The following ZW10 variants were observed in gnomAD, a reference collection of about 807,000 sequenced individuals.
ZW10 encodes centromere/kinetochore protein zw10 homolog.
A neutral mutation model predicts 87.8 loss-of-function variants in ZW10; 53 were observed. The ratio of observed to expected loss-of-function variants is 0.60; its 90% confidence interval spans 0.48 to 0.76. ZW10 has a LOEUF of 0.76. ZW10 is among the 30% of genes least tolerant of loss of function. The pLI is 0.00. For synonymous variants in ZW10, 312 were observed against 329.2 expected, an observed-to-expected ratio of 0.95 and a Z score of 0.57; for missense variants, 837 against 923.0, an observed-to-expected ratio of 0.91 and a Z score of 1.21.
intron 7 of ZW10, among the ~76,000 whole-genome samples, chr11:113,750,927 A>G (rs1953727401): frequency 6.6e-6 from 1 of 152,118 alleles, no homozygotes; most frequent in South Asian, 2.1e-4. Flanking sequence ...AAGATTTTCA[A>G]TGAAGCAACC....
chr11:113,754,399 C>A (rs1034995400), intron 7 of ZW10, among the ~76,000 whole-genome samples: 4 of 152,024 alleles, frequency 2.6e-5, no homozygotes, highest in African/African-American at 9.7e-5. Flanking sequence ...GCACGAGAAT[C>A]GCTTGAACCC....
intron 13 of ZW10, 37 bp from the exon 14 acceptor site, chr11:113,737,740 T>C (rs1322927864): frequency 1.9e-6 from 3 of 1,558,466 alleles, no homozygotes; most frequent in Non-Finnish European, 2.6e-6. Context: ...GGAAGAAAGA[T>C]TACTGTGACT....
intron 5 of ZW10, 51 bp from the exon 6 acceptor site, chr11:113,758,757 C>A (rs373265703): frequency 6.4e-7 from 1 of 1,566,916 alleles, no homozygotes. Context: ...TGAGATGTTC[C>A]CACTTCTATT....
chr11:113,766,397 G>A (rs1003240868), intron 2 of ZW10, among the ~76,000 whole-genome samples: 2 of 151,578 alleles, frequency 1.3e-5, no homozygotes, highest in Non-Finnish European at 2.9e-5. Flanking sequence ...TAGGCTGGGC[G>A]CGGTGGCTCA....
At chr11:113,740,223 G>A (rs1472225066) in intron 11 of ZW10, among the ~76,000 whole-genome samples, 1 of 151,990 alleles carries the variant, frequency 6.6e-6, no homozygotes, top group Non-Finnish European at 1.5e-5. Context: ...CCTTACATCA[G>A]ACATAAATCA....
chr11:113,752,147 C>A (rs888197945), intron 7 of ZW10, among the ~76,000 whole-genome samples: 5 of 152,186 alleles, frequency 3.3e-5, no homozygotes, highest in African/African-American at 1.2e-4. Flanking sequence ...ACATTGTTAT[C>A]TTCAAGGCTT....
intron 5 of ZW10, 126 bp from the exon 6 acceptor site, chr11:113,758,832 A>G (rs961403400): frequency 3.4e-6 from 3 of 871,522 alleles, no homozygotes; most frequent in African/African-American, 3.4e-5. Context: ...AATGCAACCA[A>G]ATATGAATTA....
intron 7 of ZW10, among the ~76,000 whole-genome samples, chr11:113,749,987 T>C (rs891360325): frequency 2.0e-5 from 3 of 152,232 alleles, no homozygotes; most frequent in African/African-American, 7.2e-5. Flanking sequence ...TTTATTTGAA[T>C]ATTTTATGCA....
intron 9 of ZW10, among the ~76,000 whole-genome samples, chr11:113,745,032 C>T (rs1028928647): frequency 6.6e-6 from 1 of 151,900 alleles, no homozygotes; most frequent in African/African-American, 2.4e-5. Context: ...GTACCAGGCA[C>T]ATGTGTTGGC....
chr11:113,751,178 T>C, intron 7 of ZW10: 1 of 243,894 alleles, frequency 4.1e-6, no homozygotes, highest in South Asian at 5.6e-5. Flanking sequence ...AGGCACACAT[T>C]GAGGCCATAT....
chr11:113,767,396 T>C (rs1953919469), intron 2 of ZW10, among the ~76,000 whole-genome samples: 1 of 152,094 alleles, frequency 6.6e-6, no homozygotes, highest in Non-Finnish European at 1.5e-5. Context: ...AATGAAACCA[T>C]GAGCTAGTTC....
intron 1 of ZW10, chr11:113,771,284 G>GT (rs111664263): frequency 0.078 from 11,834 of 152,384 alleles, 557 homozygotes; most frequent in African/African-American, 0.13. Context: ...CTGAGGTTGC[G>GT]TTTTGAGCAT....
intron 2 of ZW10, among the ~76,000 whole-genome samples, chr11:113,766,466 C>CGA (rs1953907998): frequency 6.7e-6 from 1 of 148,910 alleles, no homozygotes; most frequent in African/African-American, 2.5e-5. Context: ...GTCAGGAGAT[C>CGA]GAGACCATCC....
intron 7 of ZW10, among the ~76,000 whole-genome samples, chr11:113,751,859 G>A (rs1415525690): frequency 4.7e-5 from 7 of 150,274 alleles, no homozygotes; most frequent in Non-Finnish European, 5.9e-5. Context: ...GACAGAGCGA[G>A]ACTCCATCTC....
intron 3 of ZW10, 112 bp downstream of exon 3, chr11:113,760,705 G>C: frequency 6.5e-6 from 5 of 773,354 alleles, no homozygotes; most frequent in Non-Finnish European, 7.2e-6. Flanking sequence ...AAAAAAAAAA[G>C]AAAGAAAAAA....
chr11:113,764,020 T>C (rs1485580542), intron 2 of ZW10, among the ~76,000 whole-genome samples: 1 of 152,262 alleles, frequency 6.6e-6, no homozygotes, highest in African/African-American at 2.4e-5. Flanking sequence ...TTAAGCCATC[T>C]TGAGTTAATT....
At chr11:113,749,041 AG>A (rs2134877847) in intron 7 of ZW10, among the ~76,000 whole-genome samples, 1 of 152,292 alleles carries the variant, frequency 6.6e-6, no homozygotes, top group African/African-American at 2.4e-5. Flanking sequence ...TGATTCACAA[AG>A]GAAGACTTAG....
At chr11:113,769,023 A>T (rs1953935659) in intron 1 of ZW10, 56 bp from the exon 2 acceptor site, 1 of 1,555,316 alleles carries the variant, frequency 6.4e-7, no homozygotes, top group African/African-American at 1.4e-5. Context: ...GAGAACTCTA[A>T]TAAGAATATA....
chr11:113,766,698 A>AAAAAAAT (rs1226578405), intron 2 of ZW10, among the ~76,000 whole-genome samples: 26 of 119,510 alleles, frequency 2.2e-4, no homozygotes, highest in African/African-American at 3.5e-4. Flanking sequence ...AAAAAAAAAA[A>AAAAAAAT]TTAATTTTTA....
Sources: allele counts gnomAD v4.1 joint callset (sites outside exome capture counted in the v4.1 genomes callset), GRCh38; gene constraint gnomAD v4.1.1; transcripts MANE v1.5; gene names NCBI Gene and HGNC (gene_info 2026-07-23, HGNC 2026-07-21).